Variants in REEP1 observed in about 807,000 individuals in gnomAD.
The protein encoded by REEP1 is receptor expression-enhancing protein 1.
Under a neutral mutation model 40.3 loss-of-function variants are expected in REEP1, and 22 were observed. The ratio of observed to expected loss-of-function variants is 0.55; its 90% confidence interval spans 0.39 to 0.78. The LOEUF (loss-of-function observed/expected upper bound fraction) is 0.78. REEP1 is among the 30% of genes least tolerant of loss of function. The pLI is 0.00. For missense variants in REEP1, 280 were observed against 361.1 expected, an observed-to-expected ratio of 0.78 and a Z score of 1.82; for synonymous variants, 116 against 139.2, an observed-to-expected ratio of 0.83 and a Z score of 1.17.
At chr2:86,331,433 C>T (rs571353243) in intron 1 of REEP1, among the ~76,000 whole-genome samples, 1 of 152,148 alleles carries the variant, frequency 6.6e-6, no homozygotes, top group Admixed American at 6.5e-5. Flanking sequence ...TATCCAGAGT[C>T]CCCTACAAAG....
chr2:86,337,693 G>A (rs1158182460), upstream of REEP1: 1 of 991,122 alleles, frequency 1.0e-6, no homozygotes, highest in Non-Finnish European at 1.2e-6. The surrounding 1 kb of genome is among the most constrained non-coding windows in gnomAD (Gnocchi z 5.8). Flanking sequence ...TGGCGGCGGC[G>A]GCGGCGGCCC....
intron 3 of REEP1, among the ~76,000 whole-genome samples, chr2:86,260,345 C>G (rs985290647): frequency 6.6e-6 from 1 of 152,126 alleles, no homozygotes; most frequent in Non-Finnish European, 1.5e-5. Flanking sequence ...AGCTAAGAGA[C>G]CAAATAAGGG....
intron 5 of REEP1, among the ~76,000 whole-genome samples, chr2:86,240,273 G>A (rs373446380): frequency 2.6e-5 from 4 of 152,214 alleles, no homozygotes; most frequent in African/African-American, 4.8e-5. Context: ...AGGATGGTAC[G>A]GTCCCTGCTC....
In REEP1 at chr2:86,216,856, A is replaced by C; in HGVS notation, c.*183T>G. 1.4e-5 allele frequency: 8 copies of C among 563,604 alleles called. No individual in the cohort carries two copies. The highest frequency in any genetic ancestry group is 1.3e-5 in the Non-Finnish European group (4 of 316,064). 34.9% of individuals were successfully genotyped at this position (563,604 alleles called of 1,614,324 possible). On this transcript the variant is annotated 3_prime_UTR_variant, in exon 9 of 9. Transcript: ENST00000538924. ...CCTTTCCCTTTAGCCTCTCCCCAGC[A>C]AAATAAAGAAAAGGGGGAAAAAAAT...
intron 1 of REEP1, among the ~76,000 whole-genome samples, chr2:86,307,637 T>G (rs1324480262): frequency 6.6e-6 from 1 of 152,020 alleles, no homozygotes; most frequent in Non-Finnish European, 1.5e-5. Flanking sequence ...GGCACATGTC[T>G]GTAGTCCCAG....
At chr2:86,308,471 C>T (rs1679607799) in intron 1 of REEP1, among the ~76,000 whole-genome samples, 1 of 152,200 alleles carries the variant, frequency 6.6e-6, no homozygotes, top group Non-Finnish European at 1.5e-5. Flanking sequence ...GGGACGATCG[C>T]TTGAGCATGG....
chr2:86,277,103 G>C (rs961053499), intron 2 of REEP1, among the ~76,000 whole-genome samples: 2 of 152,192 alleles, frequency 1.3e-5, no homozygotes, highest in Non-Finnish European at 2.9e-5. Context: ...ACGCCAGTAG[G>C]AAATAGATGA....
At chr2:86,217,932 G>T (rs112990545) in intron 8 of REEP1, among the ~76,000 whole-genome samples, 36 of 152,048 alleles carry the variant, frequency 2.4e-4, no homozygotes, top group Non-Finnish European at 4.6e-4. Flanking sequence ...TTCAATGAAA[G>T]TGAAGGGAAC....
chr2:86,252,137 T>G, intron 4 of REEP1, 67 bp from the exon 5 acceptor site: 1 of 1,158,718 alleles, frequency 8.6e-7, no homozygotes, highest in East Asian at 2.3e-5. Flanking sequence ...TTCTTTCCTT[T>G]CCTCTGAGCA....
chr2:86,314,755 G>A (rs1381764206), intron 1 of REEP1, among the ~76,000 whole-genome samples: 1 of 148,950 alleles, frequency 6.7e-6, no homozygotes, highest in Non-Finnish European at 1.5e-5. Flanking sequence ...AGGAGGCTGA[G>A]GTGGGAGGAT....
At chr2:86,319,605 G>C (rs1023150939) in intron 1 of REEP1, among the ~76,000 whole-genome samples, 1 of 152,104 alleles carries the variant, frequency 6.6e-6, no homozygotes, top group Non-Finnish European at 1.5e-5. Context: ...TGAGGCATGA[G>C]AATCACTTGA....
chr2:86,247,554 CCTTTTGTTG>C (rs971490744), intron 5 of REEP1, among the ~76,000 whole-genome samples: 1 of 122,300 alleles, frequency 8.2e-6, no homozygotes, highest in Non-Finnish European at 1.9e-5. Flanking sequence ...ATAAGAACTT[CCTTTTGTTG>C]TTGTTGTTGT....
intron 1 of REEP1, among the ~76,000 whole-genome samples, chr2:86,300,294 C>T (rs1018580053): frequency 6.6e-6 from 1 of 152,170 alleles, no homozygotes; most frequent in Admixed American, 6.5e-5. Flanking sequence ...TGCCCTCCTT[C>T]CTCTGCGCTG....
intron 8 of REEP1, among the ~76,000 whole-genome samples, chr2:86,217,333 T>A (rs1246827170): frequency 6.6e-6 from 1 of 152,206 alleles, no homozygotes; most frequent in Non-Finnish European, 1.5e-5. Context: ...TGCCTCCCTC[T>A]TAAATTATGC....
intron 5 of REEP1, among the ~76,000 whole-genome samples, chr2:86,242,459 C>T (rs1159599952): frequency 6.6e-6 from 1 of 152,020 alleles, no homozygotes; most frequent in Non-Finnish European, 1.5e-5. Context: ...AGTGAGAGGC[C>T]AGTTCTACCT....
At chr2:86,282,271 C>T (rs756669937) in intron 1 of REEP1, 29 bp from the exon 2 acceptor site, 57 of 1,471,334 alleles carry the variant, frequency 3.9e-5, no homozygotes, top group South Asian at 2.0e-4. Flanking sequence ...AAAATAAATA[C>T]GATTTTTCAT....
At chr2:86,232,260 C>T (rs972229039) in intron 6 of REEP1, among the ~76,000 whole-genome samples, 7 of 152,176 alleles carry the variant, frequency 4.6e-5, no homozygotes, top group Non-Finnish European at 7.4e-5. Context: ...TATGCCTCCC[C>T]GGAGTCTGAG....
In REEP1 at chr2:86,217,015, T is replaced by A. The variant is rs1389324570; in HGVS notation, c.*24A>T. 1 of 1,599,756 alleles carries A rather than the reference T, an allele frequency of 6.3e-7. No individual in the cohort carries two copies. Among genetic ancestry groups the A allele is most frequent in the Non-Finnish European group, 8.6e-7 (1 of 1,167,106 alleles). ...AGGCAGAGAAGAAACATTCTGTGGATCCGGTGCTGTTGGCTCATCTCACTC... is the reference window on the plus strand; with the variant it reads ...AGGCAGAGAAGAAACATTCTGTGGAACCGGTGCTGTTGGCTCATCTCACTC... On this transcript the variant is annotated 3_prime_UTR_variant, in exon 9 of 9. Coordinates refer to ENST00000538924, the MANE Select transcript of REEP1 (RefSeq NM_001371279.1).
chr2:86,328,173 C>A (rs779925274), intron 1 of REEP1, among the ~76,000 whole-genome samples: 14 of 152,162 alleles, frequency 9.2e-5, no homozygotes, highest in Non-Finnish European at 1.6e-4. Context: ...AGAAAAAGTC[C>A]TTGCATGTTC....
Sources: gnomAD v4.1 joint callset for allele counts (sites outside exome capture counted in the v4.1 genomes callset) on GRCh38, gnomAD v4.1.1 for gene constraint, Gnocchi (gnomAD v3.1) non-coding constraint, MANE v1.5 for transcripts, NCBI Gene and HGNC (gene_info 2026-07-23, HGNC 2026-07-21) for gene names.